MTUS2: variants seen among roughly 807,000 people sequenced by gnomAD.
MTUS2 encodes microtubule-associated tumor suppressor candidate 2.
MTUS2 carries 40 observed loss-of-function variants against 114.1 expected under a neutral mutation model. That is an observed-to-expected ratio of 0.35 (90% CI 0.27 to 0.46). MTUS2 has a LOEUF of 0.46. Among genes scored for constraint, MTUS2 ranks in the 20% least tolerant of loss-of-function variants. The probability of loss-of-function intolerance (pLI) is 1.00; values close to 1 mark genes in which losing one functional copy is unlikely to be tolerated. For synonymous variants in MTUS2, 688 were observed against 672.0 expected, an observed-to-expected ratio of 1.02 and a Z score of -0.37; for missense variants, 1,679 against 1,705.4, an observed-to-expected ratio of 0.98 and a Z score of 0.27.
At chr13:29,053,035 G>A (rs1008120416) in intron 4 of MTUS2, among the ~76,000 whole-genome samples, 6 of 152,144 alleles carry the variant, frequency 3.9e-5, no homozygotes, top group South Asian at 2.1e-4. Context: ...CTCCCCAGCC[G>A]TGCAGAACTG....
At chr13:29,328,141 T>C (rs1445737824) in intron 7 of MTUS2, among the ~76,000 whole-genome samples, 1 of 152,168 alleles carries the variant, frequency 6.6e-6, no homozygotes, top group Non-Finnish European at 1.5e-5. Context: ...TCTTATGTTA[T>C]AAATTACTAT....
chr13:29,454,420 G>T (rs1878958538), intron 9 of MTUS2, among the ~76,000 whole-genome samples: 1 of 152,210 alleles, frequency 6.6e-6, no homozygotes. Flanking sequence ...CACCAGGAAT[G>T]GTTCTGACTT....
At chr13:29,036,758 G>A (rs2475540) in intron 4 of MTUS2, among the ~76,000 whole-genome samples, 145,326 of 152,062 alleles carry the variant, frequency 0.96, 69,549 homozygotes, top group South Asian at 0.98. Flanking sequence ...TTACCATTAT[G>A]TAATGCCCTT....
At chr13:29,220,893 C>A (rs1339178625) in intron 5 of MTUS2, among the ~76,000 whole-genome samples, 1 of 152,196 alleles carries the variant, frequency 6.6e-6, no homozygotes, top group African/African-American at 2.4e-5. Flanking sequence ...CACAAGAAAG[C>A]AAAGCACGAT....
chr13:29,425,809 T>G (rs1218377244), intron 8 of MTUS2, among the ~76,000 whole-genome samples: 1 of 152,184 alleles, frequency 6.6e-6, no homozygotes, highest in African/African-American at 2.4e-5. Flanking sequence ...TGCCGTGCCC[T>G]TCAGTGCCCT....
intron 8 of MTUS2, among the ~76,000 whole-genome samples, chr13:29,431,187 G>A (rs550340578): frequency 6.6e-6 from 1 of 152,036 alleles, no homozygotes; most frequent in Non-Finnish European, 1.5e-5. Flanking sequence ...TGAATATGAG[G>A]ATGCTTATTT....
chr13:28,946,604 TGTTTTTCAGAG>T (rs901865385), intron 2 of MTUS2, among the ~76,000 whole-genome samples: 6 of 152,210 alleles, frequency 3.9e-5, no homozygotes, highest in African/African-American at 1.4e-4. Context: ...AACCGAAAGT[TGTTTTTCAGAG>T]GTTGCTTTAA....
chr13:29,048,795 G>T (rs1022902104), intron 4 of MTUS2, among the ~76,000 whole-genome samples: 20 of 152,188 alleles, frequency 1.3e-4, no homozygotes, highest in African/African-American at 4.8e-4. Context: ...TATAGTGGTG[G>T]GGTCTTGCTG....
chr13:29,123,300 C>G (rs1891386114), intron 5 of MTUS2, among the ~76,000 whole-genome samples: 1 of 151,880 alleles, frequency 6.6e-6, no homozygotes, highest in African/African-American at 2.4e-5. Context: ...TTTAAATACT[C>G]TGTGATTCAT....
chr13:28,993,209 T>C (rs1023046283), intron 2 of MTUS2, among the ~76,000 whole-genome samples: 1 of 152,264 alleles, frequency 6.6e-6, no homozygotes, highest in Non-Finnish European at 1.5e-5. Flanking sequence ...AGTATACCAA[T>C]ATCTCTTTGA....
chr13:29,113,340 G>A (rs975413653), intron 5 of MTUS2, among the ~76,000 whole-genome samples: 2 of 152,294 alleles, frequency 1.3e-5, no homozygotes, highest in South Asian at 4.2e-4. Flanking sequence ...TGGCTTTAGG[G>A]CAGGTATGCC....
chr13:29,242,759 A>G (rs966994165), intron 5 of MTUS2: 3 of 152,258 alleles, frequency 2.0e-5, no homozygotes, highest in Non-Finnish European at 2.9e-5. Context: ...TAGTCTAATA[A>G]CAACAGCTAA....
At chr13:29,385,709 TC>T (rs1471980282) in intron 8 of MTUS2, among the ~76,000 whole-genome samples, 1 of 152,142 alleles carries the variant, frequency 6.6e-6, no homozygotes, top group African/African-American at 2.4e-5. Flanking sequence ...GCTGCAGTGT[TC>T]TGAGCCAATC....
chr13:29,001,257 T>A (rs1463735319), intron 2 of MTUS2, among the ~76,000 whole-genome samples: 1 of 152,178 alleles, frequency 6.6e-6, no homozygotes, highest in Non-Finnish European at 1.5e-5. Context: ...AAAAAGATCC[T>A]TCTGGCTATA....
chr13:29,070,339 G>C (rs1488470082), intron 4 of MTUS2, among the ~76,000 whole-genome samples: 1 of 152,142 alleles, frequency 6.6e-6, no homozygotes, highest in Non-Finnish European at 1.5e-5. Context: ...TTTCCTAAGA[G>C]AGAGTTCAAA....
intron 5 of MTUS2, among the ~76,000 whole-genome samples, chr13:29,265,104 T>A (rs552042417): frequency 3.7e-4 from 56 of 152,202 alleles, no homozygotes; most frequent in Non-Finnish European, 7.5e-4. Flanking sequence ...GGCAATAGGC[T>A]GTTACAAGCA....
At chr13:29,420,972 G>A (rs1379103797) in intron 8 of MTUS2, among the ~76,000 whole-genome samples, 1 of 152,226 alleles carries the variant, frequency 6.6e-6, no homozygotes, top group Non-Finnish European at 1.5e-5. Flanking sequence ...GGGTATTACA[G>A]AGAAGTGAAA....
At chr13:28,891,726 A>C (rs1878934729) in intron 2 of MTUS2, among the ~76,000 whole-genome samples, 1 of 151,916 alleles carries the variant, frequency 6.6e-6, no homozygotes, top group East Asian at 1.9e-4. Context: ...AAAAATACAA[A>C]AATTAGCTGG....
At chr13:29,216,051 C>T (rs553443130) in intron 5 of MTUS2, among the ~76,000 whole-genome samples, 14 of 152,148 alleles carry the variant, frequency 9.2e-5, no homozygotes, top group Non-Finnish European at 1.3e-4. Flanking sequence ...CTGGGGCTGC[C>T]GCCTTTCTTT....
Sources: allele counts gnomAD v4.1 joint callset (sites outside exome capture counted in the v4.1 genomes callset), GRCh38; gene constraint gnomAD v4.1.1; transcripts MANE v1.5; gene names NCBI Gene and HGNC (gene_info 2026-07-23, HGNC 2026-07-21).